MTMR8: variants seen among roughly 807,000 people sequenced by gnomAD.
MTMR8 encodes the protein myotubularin related protein 8, also known as phosphatidylinositol-3,5-bisphosphate 3-phosphatase MTMR8.
A neutral mutation model predicts 39.3 loss-of-function variants in MTMR8; 65 were observed. The ratio of observed to expected loss-of-function variants is 1.65; its 90% CI spans 1.35 to 2.03. The LOEUF is 2.03. Among genes scored for constraint, MTMR8 ranks in the 30% most tolerant of loss-of-function variants. The pLI is 0.00. For missense variants in MTMR8, 777 were observed against 538.9 expected, an observed-to-expected ratio of 1.44 and a Z score of -4.37; for synonymous variants, 245 against 185.2, an observed-to-expected ratio of 1.32 and a Z score of -2.62.
intron 12 of MTMR8, among the ~76,000 whole-genome samples, chrX:64,312,385 A>G (rs753237828): frequency 8.6e-4 from 96 of 112,091 alleles, no homozygotes; most frequent in Non-Finnish European, 1.6e-3. Context: ...GTTGCTTATC[A>G]GCTTAAGGAG....
chrX:64,340,050 C>T (rs751182503), intron 8 of MTMR8, among the ~76,000 whole-genome samples: 19 of 111,444 alleles, frequency 1.7e-4, no homozygotes, highest in Admixed American at 1.3e-3. Flanking sequence ...TGGGATACAT[C>T]TATTTGCAGC....
intron 12 of MTMR8, among the ~76,000 whole-genome samples, chrX:64,296,359 T>C (rs1921581324): frequency 9.0e-6 from 1 of 111,045 alleles, no homozygotes; most frequent in Non-Finnish European, 1.9e-5. Flanking sequence ...AGTTTCTGTT[T>C]GGGATGATGA....
At chrX:64,368,767 A>C (rs1044878108) in intron 1 of MTMR8, among the ~76,000 whole-genome samples, 14 of 112,392 alleles carry the variant, frequency 1.2e-4, no homozygotes, top group African/African-American at 4.5e-4. Flanking sequence ...ATGGAATCTA[A>C]TTAAACTAAA....
At chrX:64,356,105 C>T (rs1415794665) in intron 3 of MTMR8, 71 bp downstream of exon 3, 2 of 1,046,093 alleles carry the variant, frequency 1.9e-6, no homozygotes, top group Admixed American at 2.7e-5. Context: ...ACTCCATAGC[C>T]CTGATCTTTC....
intron 12 of MTMR8, among the ~76,000 whole-genome samples, chrX:64,286,762 G>A (rs1302918351): frequency 5.1e-4 from 57 of 111,260 alleles, no homozygotes; most frequent in African/African-American, 1.7e-3. Context: ...AAATTCAACA[G>A]CCCTTCATGC....
intron 12 of MTMR8, among the ~76,000 whole-genome samples, chrX:64,323,650 A>G (rs1346114142): frequency 8.9e-6 from 1 of 112,695 alleles, no homozygotes. Context: ...AGGACAGATC[A>G]TATGGTAGCC....
chrX:64,388,001 A>T (rs1362726131), intron 1 of MTMR8, among the ~76,000 whole-genome samples: 2 of 111,241 alleles, frequency 1.8e-5, no homozygotes, highest in Non-Finnish European at 3.8e-5. Context: ...TCTGACATTT[A>T]TAAGAACTTT....
chrX:64,350,095 T>A, intron 4 of MTMR8, 25 bp from the exon 5 acceptor site: 1 of 876,892 alleles, frequency 1.1e-6, no homozygotes, highest in Non-Finnish European at 1.5e-6. Flanking sequence ...GCACAATATA[T>A]ATAAATATAT....
chrX:64,310,789 C>T (rs754087496), intron 12 of MTMR8, among the ~76,000 whole-genome samples: 5 of 110,897 alleles, frequency 4.5e-5, no homozygotes, highest in African/African-American at 9.9e-5. Flanking sequence ...CTGAGAACGA[C>T]GGTTTCCAGC....
chrX:64,287,069 G>A (rs1921209212), intron 12 of MTMR8, among the ~76,000 whole-genome samples: 2 of 111,726 alleles, frequency 1.8e-5, no homozygotes, highest in South Asian at 7.5e-4. Flanking sequence ...AAACCCCATT[G>A]TCTCAGCCCA....
intron 1 of MTMR8, among the ~76,000 whole-genome samples, chrX:64,369,123 G>T (rs1173235669): frequency 8.9e-6 from 1 of 112,105 alleles, no homozygotes; most frequent in Non-Finnish European, 1.9e-5. Context: ...CACAGATGCT[G>T]TAGAGGATGT....
At chrX:64,319,363 C>G (rs768932417) in intron 12 of MTMR8, among the ~76,000 whole-genome samples, 1 of 112,484 alleles carries the variant, frequency 8.9e-6, no homozygotes, top group African/African-American at 3.2e-5. Context: ...TGCCTGTTCA[C>G]TCTGATGGTA....
chrX:64,285,446 C>T (rs1219054758), intron 12 of MTMR8, among the ~76,000 whole-genome samples: 2 of 110,898 alleles, frequency 1.8e-5, no homozygotes, highest in Non-Finnish European at 3.8e-5. Context: ...TATCCAGGAA[C>T]TGAATTCAGC....
chrX:64,339,921 C>T (rs1923172033), intron 8 of MTMR8, among the ~76,000 whole-genome samples: 1 of 111,739 alleles, frequency 8.9e-6, no homozygotes, highest in African/African-American at 3.3e-5. Flanking sequence ...AAGCAAGGTA[C>T]AAGGAATATC....
In MTMR8 at chrX:64,354,952, G is replaced by A. The variant is rs754333322; in HGVS notation, c.311-18C>T. The A allele has an allele frequency of 3.1e-5, 36 of 1,146,518 alleles. No homozygotes were observed. Among genetic ancestry groups the A allele is most frequent in the Admixed American group, 8.0e-5 (3 of 37,512 alleles). 94.5% of individuals were successfully genotyped at this position (1,146,518 alleles called of 1,213,427 possible). On this transcript the variant is annotated intron_variant, in intron 3 of 13. Transcript: ENST00000374852. ...AGGTAATGCTGGAGAAGAGAGATAG[G>A]CATGGAAAACAAAATGATGAATGAA...
intron 12 of MTMR8, among the ~76,000 whole-genome samples, chrX:64,271,551 A>G (rs1451333708): frequency 8.9e-6 from 1 of 112,067 alleles, no homozygotes; most frequent in African/African-American, 3.2e-5. Context: ...CAGATTGTAA[A>G]CAAAACATCT....
intron 1 of MTMR8, among the ~76,000 whole-genome samples, chrX:64,373,846 T>C (rs1488507938): frequency 9.0e-6 from 1 of 111,379 alleles, no homozygotes; most frequent in Non-Finnish European, 1.9e-5. Context: ...GGGAACTTCC[T>C]GCCAAAGTAA....
intron 1 of MTMR8, among the ~76,000 whole-genome samples, chrX:64,368,444 GA>G (rs1924037675): frequency 9.0e-6 from 1 of 111,090 alleles, no homozygotes; most frequent in East Asian, 2.8e-4. Context: ...GAGGCCTCAG[GA>G]ATAACACCAC....
chrX:64,287,537 G>A (rs1386523645), intron 12 of MTMR8, among the ~76,000 whole-genome samples: 1 of 111,091 alleles, frequency 9.0e-6, no homozygotes, highest in Admixed American at 9.6e-5. Flanking sequence ...AACAAAGCTG[G>A]AGGCATCACG....
Sources: gnomAD v4.1 joint callset for allele counts (sites outside exome capture counted in the v4.1 genomes callset) on GRCh38, gnomAD v4.1.1 for gene constraint, MANE v1.5 for transcripts, NCBI Gene and HGNC (gene_info 2026-07-23, HGNC 2026-07-21) for gene names.